Variants in KAT2B observed in about 807,000 individuals in gnomAD.
KAT2B encodes lysine acetyltransferase 2B.
In KAT2B, 36 loss-of-function variants were observed where a neutral mutation model predicts 105.9. The observed-to-expected ratio is 0.34, with a 90% CI of 0.26 to 0.45. The LOEUF (loss-of-function observed/expected upper bound fraction) is 0.45, where lower values mean the gene tolerates loss of function less well. Ranked by LOEUF, KAT2B falls within the 20% of genes least tolerant of loss-of-function variation. KAT2B has a pLI of 1.00. For missense variants in KAT2B, 820 were observed against 1,021.6 expected, an observed-to-expected ratio of 0.80 and a Z score of 2.69; for synonymous variants, 397 against 377.9, an observed-to-expected ratio of 1.05 and a Z score of -0.59.
chr3:20,062,244 T>TAA (rs1698139534), intron 1 of KAT2B, among the ~76,000 whole-genome samples: 1 of 36,972 alleles, frequency 2.7e-5, no homozygotes, highest in African/African-American at 1.1e-4. Context: ...ATAAAATATA[T>TAA]AATATATAAA....
intron 1 of KAT2B, among the ~76,000 whole-genome samples, chr3:20,056,244 G>A (rs1290559685): frequency 6.6e-6 from 1 of 152,178 alleles, no homozygotes; most frequent in Non-Finnish European, 1.5e-5. Context: ...GGGCTATATT[G>A]TAAGGGTAGA....
chr3:20,133,309 A>G (rs907166321), intron 11 of KAT2B, among the ~76,000 whole-genome samples: 2 of 152,208 alleles, frequency 1.3e-5, no homozygotes, highest in Admixed American at 6.6e-5. Context: ...ACATTGTCCT[A>G]GAGACCTTTC....
At chr3:20,146,210 C>T in intron 13 of KAT2B, 106 bp from the exon 14 acceptor site, 1 of 690,402 alleles carries the variant, frequency 1.4e-6, no homozygotes, top group Non-Finnish European at 2.6e-6. Context: ...CATCTTATTT[C>T]ATAAAAAAGA....
At chr3:20,085,024 C>G (rs560489728) in intron 2 of KAT2B, among the ~76,000 whole-genome samples, 23 of 152,162 alleles carry the variant, frequency 1.5e-4, no homozygotes, top group African/African-American at 4.8e-4. Flanking sequence ...ATACTGATTG[C>G]TTTCATAGCT....
At chr3:20,088,507 G>T (rs1698660141) in intron 2 of KAT2B, among the ~76,000 whole-genome samples, 1 of 152,116 alleles carries the variant, frequency 6.6e-6, no homozygotes, top group Non-Finnish European at 1.5e-5. Context: ...TAGTGATGTT[G>T]AACATTTTTC....
In KAT2B at chr3:20,137,062, TC is replaced by T; in HGVS notation, c.1860+11del. The T allele has an allele frequency of 7.6e-7, 1 of 1,315,904 alleles. No homozygotes were observed. Among genetic ancestry groups the T allele is most frequent in the Non-Finnish European group, 1.1e-6 (1 of 908,240 alleles). 81.5% of individuals were successfully genotyped at this position (1,315,904 alleles called of 1,614,324 possible). A position where few individuals can be genotyped will look rare whatever the true frequency, so the allele number is the denominator to read the frequency against. ...ATACTTTAAGAAACAGGTTGGTTTCTCACCACGCAACACTGTTTTGTCACTC... is the reference window on the plus strand; with the variant it reads ...ATACTTTAAGAAACAGGTTGGTTTCTACCACGCAACACTGTTTTGTCACTC... On this transcript the variant is annotated intron_variant, in intron 12 of 17. Transcript: ENST00000263754.
chr3:20,051,175 G>C (rs1195389911), intron 1 of KAT2B, among the ~76,000 whole-genome samples: 1 of 147,018 alleles, frequency 6.8e-6, no homozygotes, highest in Non-Finnish European at 1.5e-5. Context: ...ACTGTAGCCT[G>C]GGTGACAGAG....
chr3:20,119,720 C>A lies in KAT2B; in HGVS notation c.1273C>A (p.Pro425Thr), dbSNP rs555428888. 37 of 1,613,922 alleles carry A rather than the reference C, an allele frequency of 2.3e-5. No homozygotes were observed. The Admixed American group carries it at 4.8e-4, about 21-fold the overall frequency. Residue 425 changes from proline to threonine, a missense_variant, in exon 8 of 18, where the codon CCA (proline) becomes ACA (threonine). This residue lies in a region of KAT2B where 225 missense variants were observed against 268.1 expected (regional missense o/e 0.84). Coordinates refer to ENST00000263754, the MANE Select transcript of KAT2B (RefSeq NM_003884.5). ...CKASSGLEAN[P>T]GEKRKMTDSH... ...AGCCTCTTCTGGACTTGAGGCAAACCCAGGTAAGCTCTTAAGAGGGGATAA... is the reference window on the plus strand; with the variant it reads ...AGCCTCTTCTGGACTTGAGGCAAACACAGGTAAGCTCTTAAGAGGGGATAA...
chr3:20,149,531 G>A (rs61280687), intron 17 of KAT2B, among the ~76,000 whole-genome samples: 4,940 of 108,076 alleles, frequency 0.046, 154 homozygotes, highest in East Asian at 0.25. Context: ...TTGTGGAAGT[G>A]TTAAAAATGT....
chr3:20,115,019 A>T, intron 7 of KAT2B, 31 bp downstream of exon 7: 1 of 1,405,766 alleles, frequency 7.1e-7, no homozygotes. Flanking sequence ...ATCAGAGAAC[A>T]ACCAGGGAGG....
intron 2 of KAT2B, among the ~76,000 whole-genome samples, chr3:20,088,691 G>A (rs188245531): frequency 6.6e-5 from 10 of 152,186 alleles, no homozygotes; most frequent in Admixed American, 2.6e-4. Context: ...CATTCCATAG[G>A]TTGTCTCTTT....
At chr3:20,066,561 G>C (rs145965717) in intron 1 of KAT2B, among the ~76,000 whole-genome samples, 2 of 151,948 alleles carry the variant, frequency 1.3e-5, no homozygotes, top group African/African-American at 4.8e-5. Context: ...ACTATGCCTG[G>C]CTAATTTTTG....
intron 17 of KAT2B, among the ~76,000 whole-genome samples, chr3:20,151,858 T>C: frequency 6.6e-6 from 1 of 152,326 alleles, no homozygotes. Flanking sequence ...GTATTTATTA[T>C]CAGTTTCTCT....
intron 9 of KAT2B, among the ~76,000 whole-genome samples, chr3:20,125,022 T>G (rs1437594800): frequency 6.6e-6 from 1 of 151,792 alleles, no homozygotes; most frequent in African/African-American, 2.4e-5. Context: ...TAAAAAGAGG[T>G]GTTAAGAATA....
intron 2 of KAT2B, among the ~76,000 whole-genome samples, chr3:20,083,491 G>C (rs1369109610): frequency 6.6e-6 from 1 of 152,126 alleles, no homozygotes; most frequent in Non-Finnish European, 1.5e-5. Context: ...TGTTGACATG[G>C]GTTGGGATTA....
At chr3:20,065,245 CT>C (rs931042580) in intron 1 of KAT2B, among the ~76,000 whole-genome samples, 4 of 152,140 alleles carry the variant, frequency 2.6e-5, no homozygotes, top group African/African-American at 9.7e-5. Context: ...ATCTGGGTAG[CT>C]TTCCCCTCCC....
At chr3:20,042,760 C>A (rs904344958) in intron 1 of KAT2B, among the ~76,000 whole-genome samples, 2 of 152,090 alleles carry the variant, frequency 1.3e-5, no homozygotes, top group Non-Finnish European at 1.5e-5. Context: ...TGTCTAAAAC[C>A]ATGAGCATAT....
chr3:20,120,621 G>A (rs967737767), intron 8 of KAT2B, among the ~76,000 whole-genome samples: 10 of 152,110 alleles, frequency 6.6e-5, no homozygotes, highest in African/African-American at 2.2e-4. Context: ...TATTCCTTTC[G>A]TAGGAATAAC....
intron 1 of KAT2B, among the ~76,000 whole-genome samples, chr3:20,063,213 G>A (rs78667444): frequency 0.18 from 26,950 of 151,720 alleles, 2,590 homozygotes; most frequent in East Asian, 0.44. Context: ...GACTGCAGGC[G>A]TGCACCACTA....
Sources: allele counts gnomAD v4.1 joint callset (sites outside exome capture counted in the v4.1 genomes callset), GRCh38; gene constraint gnomAD v4.1.1; regional missense constraint gnomAD v4.1.1; transcripts MANE v1.5; gene names NCBI Gene and HGNC (gene_info 2026-07-23, HGNC 2026-07-21).